Variants in ASTN2 observed in about 807,000 individuals in gnomAD.
ASTN2 encodes astrotactin 2.
In ASTN2, 54 loss-of-function variants were observed where a neutral mutation model predicts 139.8. The observed-to-expected ratio is 0.39, with a 90% CI of 0.31 to 0.48. ASTN2 has a LOEUF of 0.48. ASTN2 is among the 20% of genes least tolerant of loss of function. The pLI, the probability that ASTN2 is intolerant of heterozygous loss-of-function variation, is 0.95. For missense variants in ASTN2, 1,565 were observed against 1,725.1 expected (o/e 0.91, Z 1.64); for synonymous variants, 756 against 719.5 (o/e 1.05, Z -0.81).
At chr9:116,645,622 G>A (rs1857552500) in intron 17 of ASTN2, among the ~76,000 whole-genome samples, 1 of 152,104 alleles carries the variant, frequency 6.6e-6, no homozygotes, top group South Asian at 2.1e-4. Flanking sequence ...ATAAAATGGG[G>A]TTCAGGATTT....
At chr9:117,181,351 G>A (rs2132946243) in intron 3 of ASTN2, among the ~76,000 whole-genome samples, 1 of 152,300 alleles carries the variant, frequency 6.6e-6, no homozygotes, top group East Asian at 1.9e-4. Context: ...CTAAGATTGG[G>A]TTCTGGCAAA....
intron 12 of ASTN2, among the ~76,000 whole-genome samples, chr9:116,806,949 T>G (rs1392680556): frequency 6.6e-6 from 1 of 152,220 alleles, no homozygotes; most frequent in African/African-American, 2.4e-5. Flanking sequence ...ATTTCTGCTT[T>G]ACACATAAGC....
At chr9:116,772,384 C>T (rs1313068562) in intron 13 of ASTN2, among the ~76,000 whole-genome samples, 1 of 152,154 alleles carries the variant, frequency 6.6e-6, no homozygotes, top group Non-Finnish European at 1.5e-5. Flanking sequence ...GTAAGACGTG[C>T]CTTTGCTTCT....
In ASTN2 at chr9:116,423,340, G is replaced by T. The variant is rs1004334487; in HGVS notation, c.*2511C>A. 8.5e-5 allele frequency among the ~76,000 whole-genome samples: 13 copies of T among 152,190 alleles called. No individual in the cohort carries two copies. The highest frequency in any genetic ancestry group is 3.1e-4 in the African/African-American group (13 of 41,440). On this transcript the variant is annotated 3_prime_UTR_variant, in exon 23 of 23. Transcript: ENST00000313400. ...GTGGGACCAGCATTGACTCCACTTT[G>T]TTGATGAGAAACCTGATGTCAAGTT...
intron 13 of ASTN2, among the ~76,000 whole-genome samples, chr9:116,751,547 T>C (rs1829403085): frequency 2.6e-5 from 4 of 151,650 alleles, no homozygotes; most frequent in Middle Eastern, 6.9e-3. Flanking sequence ...ACTATTATTA[T>C]TGTTATTATT....
intron 11 of ASTN2, among the ~76,000 whole-genome samples, chr9:116,856,812 AT>A (rs1564307969): frequency 6.6e-6 from 1 of 152,166 alleles, no homozygotes; most frequent in East Asian, 1.9e-4. Flanking sequence ...TGACTGGGTG[AT>A]TTGTAGGGTT....
chr9:116,643,254 T>C (rs1220327281), intron 17 of ASTN2, among the ~76,000 whole-genome samples: 1 of 152,180 alleles, frequency 6.6e-6, no homozygotes, highest in Admixed American at 6.5e-5. Context: ...GCTCAGCACA[T>C]AGTATTGACA....
At chr9:117,325,382 C>A (rs1457849041) in intron 1 of ASTN2, among the ~76,000 whole-genome samples, 1 of 152,112 alleles carries the variant, frequency 6.6e-6, no homozygotes, top group Admixed American at 6.5e-5. Context: ...TTGCCATGGG[C>A]TCTTCAGGCA....
chr9:116,837,250 C>T (rs1425553756), intron 11 of ASTN2, among the ~76,000 whole-genome samples: 1 of 152,138 alleles, frequency 6.6e-6, no homozygotes, highest in African/African-American at 2.4e-5. Flanking sequence ...TGGAGGCGTG[C>T]CTCTTTGCTG....
intron 19 of ASTN2, among the ~76,000 whole-genome samples, chr9:116,503,337 G>C (rs1420157706): frequency 1.3e-5 from 2 of 151,986 alleles, no homozygotes; most frequent in Non-Finnish European, 2.9e-5. Flanking sequence ...GAGTGAGAGG[G>C]TGACTGGCAT....
intron 3 of ASTN2, among the ~76,000 whole-genome samples, chr9:117,178,213 G>A (rs1398016813): frequency 1.3e-5 from 2 of 152,026 alleles, no homozygotes; most frequent in African/African-American, 4.8e-5. Context: ...TTTTATGAAT[G>A]CATTCATGTA....
chr9:116,950,547 C>T (rs1321104702), intron 10 of ASTN2, among the ~76,000 whole-genome samples: 1 of 152,046 alleles, frequency 6.6e-6, no homozygotes. Context: ...TGTTTAAATA[C>T]TGAAAGAACA....
At chr9:116,931,898 G>T (rs142114799) in intron 10 of ASTN2, among the ~76,000 whole-genome samples, 1 of 152,234 alleles carries the variant, frequency 6.6e-6, no homozygotes, top group Non-Finnish European at 1.5e-5. Flanking sequence ...GAACGTAGGG[G>T]TAGAGAGAGT....
rs1329096449 is a variant in ASTN2, at chr9:116,840,499, C to CG, written c.2041-19717dup. Among the ~76,000 whole-genome samples, 642 of 97,432 alleles carry CG rather than the reference C, an allele frequency of 6.6e-3. 13 individuals are homozygous for CG. The highest frequency in any genetic ancestry group is 0.026 in the African/African-American group (590 of 22,918). 63.9% of individuals were successfully genotyped at this position (97,432 alleles called of 152,430 possible). A position where few individuals can be genotyped will look rare whatever the true frequency, so the allele number is the denominator to read the frequency against. The stretch of plus-strand genomic sequence containing the variant: ...CTCCCGGACGGGGCGGCTGGCCGGA[C>CG]GGGGGGCTGACCCCCCCCACCTCCC... On this transcript the variant is annotated intron_variant, in intron 11 of 22. Coordinates refer to ENST00000313400, the MANE Select transcript of ASTN2 (RefSeq NM_001365068.1).
At chr9:116,938,950 T>A (rs1470619987) in intron 10 of ASTN2, among the ~76,000 whole-genome samples, 1 of 152,210 alleles carries the variant, frequency 6.6e-6, no homozygotes, top group Non-Finnish European at 1.5e-5. Context: ...TGTGTTAAGA[T>A]TTGAAAGGAC....
chr9:116,936,902 T>C (rs771134517), intron 10 of ASTN2, among the ~76,000 whole-genome samples: 10 of 152,226 alleles, frequency 6.6e-5, no homozygotes, highest in Non-Finnish European at 1.2e-4. Context: ...CCTTAGGGGC[T>C]GGACAAATTG....
chr9:116,669,249 C>T (rs1191006890), intron 16 of ASTN2, among the ~76,000 whole-genome samples: 2 of 152,168 alleles, frequency 1.3e-5, no homozygotes, highest in East Asian at 3.9e-4. Context: ...CCTTAATTTG[C>T]ATGTAATTAA....
At chr9:116,964,256 T>TGTGTGC (rs1491183340) in intron 10 of ASTN2, among the ~76,000 whole-genome samples, 112 of 98,912 alleles carry the variant, frequency 1.1e-3, no homozygotes, top group East Asian at 0.011. Flanking sequence ...TGTGTGTGTG[T>TGTGTGC]GCGCGCGCGC....
At chr9:116,929,918 T>C (rs1834852748) in intron 10 of ASTN2, among the ~76,000 whole-genome samples, 1 of 152,190 alleles carries the variant, frequency 6.6e-6, no homozygotes, top group East Asian at 1.9e-4. Flanking sequence ...TTGTTAATTA[T>C]TGTCAGAGTT....
Sources: gnomAD v4.1 joint callset for allele counts (sites outside exome capture counted in the v4.1 genomes callset) on GRCh38, gnomAD v4.1.1 for gene constraint, MANE v1.5 for transcripts, NCBI Gene and HGNC (gene_info 2026-07-23, HGNC 2026-07-21) for gene names.